The following UBP1 variants were observed in gnomAD, a reference collection of about 807,000 sequenced individuals.
UBP1 encodes the protein upstream-binding protein 1.
UBP1 carries 22 observed loss-of-function variants against 76.1 expected under a neutral mutation model. The ratio of observed to expected loss-of-function variants is 0.29; its 90% CI spans 0.21 to 0.41. The LOEUF (loss-of-function observed/expected upper bound fraction) is 0.41, where lower values mean the gene tolerates loss of function less well. Among genes scored for constraint, UBP1 ranks in the 10% least tolerant of loss-of-function variants. UBP1 has a pLI of 1.00. For synonymous variants in UBP1, 224 were observed against 237.1 expected (o/e 0.94, Z 0.51); for missense variants, 436 against 668.1 (o/e 0.65, Z 3.83).
At chr3:33,438,703 T>C (rs2045239460) in intron 1 of UBP1, among the ~76,000 whole-genome samples, 1 of 152,334 alleles carries the variant, frequency 6.6e-6, no homozygotes, top group South Asian at 2.1e-4. Flanking sequence ...GAGTTCTTTA[T>C]GGCTCAGAAT....
chr3:33,415,829 C>T (rs1312251356), intron 3 of UBP1, among the ~76,000 whole-genome samples: 4 of 152,020 alleles, frequency 2.6e-5, no homozygotes, highest in Admixed American at 1.3e-4. Context: ...ATGTTCTGCA[C>T]ATTCAAGAAG....
At chr3:33,400,049 A>AT (rs568314542) in intron 11 of UBP1, 140 bp downstream of exon 11, 72 of 475,150 alleles carry the variant, frequency 1.5e-4, no homozygotes, top group Non-Finnish European at 2.4e-4. Context: ...GGGGATAGAT[A>AT]TAAAGAACTT....
At chr3:33,400,901 C>A (rs2044201496) in intron 10 of UBP1, 61 bp downstream of exon 10, 6 of 1,532,566 alleles carry the variant, frequency 3.9e-6, no homozygotes, top group African/African-American at 1.4e-5. Flanking sequence ...TGCACAAAAA[C>A]CAAAACTTTA....
intron 3 of UBP1, among the ~76,000 whole-genome samples, chr3:33,414,932 A>G (rs188196953): frequency 2.0e-5 from 3 of 152,128 alleles, no homozygotes; most frequent in Non-Finnish European, 2.9e-5. Context: ...CTGTGCATTT[A>G]TAAGTTAATG....
At chr3:33,397,320 C>T in intron 11 of UBP1, 185 bp from the exon 12 acceptor site, 1 of 470,112 alleles carries the variant, frequency 2.1e-6, no homozygotes. Flanking sequence ...AAAATGCTGG[C>T]TTTTCCATGT....
chr3:33,439,443 C>T (rs2045253367), intron 1 of UBP1, among the ~76,000 whole-genome samples: 1 of 152,242 alleles, frequency 6.6e-6, no homozygotes, highest in South Asian at 2.1e-4. Flanking sequence ...AGCCCCTTCC[C>T]CCACCAACCC....
chr3:33,419,285 A>T (rs985151675), intron 2 of UBP1, among the ~76,000 whole-genome samples: 10 of 152,070 alleles, frequency 6.6e-5, no homozygotes, highest in Non-Finnish European at 1.5e-4. Flanking sequence ...ACTTGAGGTC[A>T]GGAGTTCAAG....
rs762960251 is a variant in UBP1, at chr3:33,416,800, C to T, written c.300G>A (p.Arg100=). 2 of 1,613,630 alleles carry T rather than the reference C, an allele frequency of 1.2e-6. No individual in the cohort carries two copies. The change falls in exon 3 of 16, where the codon CGG becomes CGA. Residue 100 remains arginine, a synonymous_variant. Coordinates refer to ENST00000283629, the MANE Select transcript of UBP1 (RefSeq NM_014517.5). ...QSYEIRMLDN[R]KMGDMPEING... ...TGATCTCAGGCATATCACCCATTTTCCGATTATCCAGCATCCGAATTTCAT... is the reference window on the plus strand; with the variant it reads ...TGATCTCAGGCATATCACCCATTTTTCGATTATCCAGCATCCGAATTTCAT...
intron 8 of UBP1, among the ~76,000 whole-genome samples, chr3:33,406,897 T>A (rs1372467781): frequency 6.6e-6 from 1 of 152,192 alleles, no homozygotes; most frequent in Non-Finnish European, 1.5e-5. Context: ...TTGTACGGCA[T>A]CTCCTGGTAA....
intron 3 of UBP1, among the ~76,000 whole-genome samples, chr3:33,414,370 T>C (rs894239289): frequency 4.6e-5 from 7 of 152,118 alleles, no homozygotes; most frequent in South Asian, 4.2e-4. Flanking sequence ...TAAAAGGAGA[T>C]TGACTGCATT....
At chr3:33,427,389 T>C (rs892179271) in intron 1 of UBP1, among the ~76,000 whole-genome samples, 9 of 152,256 alleles carry the variant, frequency 5.9e-5, no homozygotes, top group African/African-American at 1.2e-4. Context: ...AGCTGTACGT[T>C]TGTATCTTAA....
At chr3:33,393,476 G>T (rs982231468) in intron 13 of UBP1, 22 bp from the exon 14 acceptor site, 1 of 1,512,110 alleles carries the variant, frequency 6.6e-7, no homozygotes, top group East Asian at 2.3e-5. Context: ...AAAAAAAAAA[G>T]AAAAGCATTT....
rs751600562 is a variant in UBP1, at chr3:33,411,664, T to C, written c.472A>G (p.Ile158Val). ...DLDIPMSVGIIDTRTNPSQLN... is the reference protein window; with the variant it reads ...DLDIPMSVGIVDTRTNPSQLN... The stretch of plus-strand genomic sequence containing the variant: ...TGGCTTGGATTCGTCCTTGTGTCAA[T>C]TATTCCCACAGACATTGGAATATCT... The change falls in exon 5 of 16, where the codon ATT becomes GTT. Residue 158 changes from isoleucine to valine, a missense_variant. Physicochemically the swap from Ile to Val is conservative, Grantham distance 29. This residue lies in a region of UBP1 where 161 missense variants were observed against 237.9 expected (regional missense o/e 0.68). Coordinates refer to ENST00000283629, the MANE Select transcript of UBP1 (RefSeq NM_014517.5). 6.2e-7 allele frequency: 1 copy of C among 1,614,102 alleles called. No homozygotes were observed. The highest frequency in any genetic ancestry group is 8.5e-7 in the Non-Finnish European group (1 of 1,179,972).
At chr3:33,396,825 G>C (rs1419881943) in intron 12 of UBP1, 1 of 673,310 alleles carries the variant, frequency 1.5e-6, no homozygotes, top group Admixed American at 2.0e-5. Flanking sequence ...ATTTCTACCA[G>C]TCTTACAGTC....
intron 2 of UBP1, among the ~76,000 whole-genome samples, chr3:33,422,496 C>A (rs762096280): frequency 5.3e-5 from 8 of 152,004 alleles, no homozygotes; most frequent in African/African-American, 1.9e-4. Flanking sequence ...GCAGGAAGAT[C>A]GTTTGAGCCC....
intron 5 of UBP1, among the ~76,000 whole-genome samples, chr3:33,410,409 G>C (rs2044550692): frequency 6.6e-6 from 1 of 152,166 alleles, no homozygotes; most frequent in African/African-American, 2.4e-5. Flanking sequence ...TACATAACTA[G>C]TTGCCTTATA....
At chr3:33,427,726 C>T (rs1193749435) in intron 1 of UBP1, among the ~76,000 whole-genome samples, 1 of 152,202 alleles carries the variant, frequency 6.6e-6, no homozygotes, top group African/African-American at 2.4e-5. Flanking sequence ...CTAATTCTCC[C>T]TCTCTTATTT....
In UBP1 at chr3:33,396,189, T is replaced by C. The variant is rs764862366; in HGVS notation, c.1363A>G (p.Ser455Gly). The C allele has an allele frequency of 1.0e-5, 16 of 1,593,596 alleles. No homozygotes were observed. Among genetic ancestry groups the C allele is most frequent in the Admixed American group, 1.7e-5 (1 of 59,736 alleles). ...TAGGGTGCCCCACTGCCATTCTCGCTTGCACTGCTTGCAGCTTGCTGCTGC... is the reference window on the plus strand; with the variant it reads ...TAGGGTGCCCCACTGCCATTCTCGCCTGCACTGCTTGCAGCTTGCTGCTGC... ...QGQQQAASSA[S>G]ENGSGAPYVY... Residue 455 changes from serine to glycine, a missense_variant, in exon 13 of 16, where the codon AGC becomes GGC. Transcript: ENST00000283629.
chr3:33,402,813 C>T lies in UBP1; in HGVS notation c.1019G>A (p.Ser340Asn). 6.3e-7 allele frequency: 1 copy of T among 1,590,234 alleles called. No individual in the cohort carries two copies. The highest frequency in any genetic ancestry group is 8.5e-7 in the Non-Finnish European group (1 of 1,171,366). Reference protein sequence around the residue: ...TFTSPQQSTCSVPDSNSSSPN... With the variant: ...TFTSPQQSTCNVPDSNSSSPN... ...ACAAACTAGATACCTGTCTGGGACACTGCAAGTGCTCTGCTGTGGGGAGGT... is the reference window on the plus strand; with the variant it reads ...ACAAACTAGATACCTGTCTGGGACATTGCAAGTGCTCTGCTGTGGGGAGGT... Residue 340 changes from serine (S) to asparagine (N), a missense_variant, in exon 9 of 16, where the codon AGT becomes AAT. Physicochemically the swap from Ser to Asn is conservative, Grantham distance 46. Transcript: ENST00000283629.
Sources: gnomAD v4.1 joint callset for allele counts (sites outside exome capture counted in the v4.1 genomes callset) on GRCh38, gnomAD v4.1.1 for gene constraint, gnomAD v4.1.1 regional missense constraint, MANE v1.5 for transcripts, NCBI Gene and HGNC (gene_info 2026-07-23, HGNC 2026-07-21) for gene names.